GSTP1: variants seen among roughly 807,000 people sequenced by gnomAD.
GSTP1 encodes glutathione S-transferase pi 1.
Under a neutral mutation model 29.4 loss-of-function variants are expected in GSTP1, and 28 were observed. The observed-to-expected ratio is 0.95, with a 90% CI of 0.71 to 1.30. The LOEUF (loss-of-function observed/expected upper bound fraction) is 1.30. GSTP1 is among the 50% of genes most tolerant of loss of function. The pLI is 0.00. For synonymous variants in GSTP1, 122 were observed against 117.0 expected (o/e 1.04, Z -0.28); for missense variants, 267 against 266.1 (o/e 1.00, Z -0.02).
Position 67,586,633 on chromosome 11 carries a change from A to G in GSTP1, c.*56A>G, listed in dbSNP as rs5031031. On this transcript the variant is annotated 3_prime_UTR_variant, in exon 7 of 7. Transcript: ENST00000398606. Reference sequence around the variant, plus strand: ...GTTTGCCTTCCTTTCTCCAGGACCAATAAAATTTCTAAGAGAGCTACTATG... The same window carrying G: ...GTTTGCCTTCCTTTCTCCAGGACCAGTAAAATTTCTAAGAGAGCTACTATG... 275 of 1,458,536 alleles carry G rather than the reference A, an allele frequency of 1.9e-4. No individual in the cohort carries two copies. Among genetic ancestry groups the G allele is most frequent in the Non-Finnish European group, 2.3e-4 (248 of 1,064,190 alleles). 90.3% of individuals were successfully genotyped at this position (1,458,536 alleles called of 1,614,324 possible).
rs1867472878 is a variant in GSTP1, at chr11:67,586,632, A to G, written c.*55A>G. ...AGTTTGCCTTCCTTTCTCCAGGACC[A>G]ATAAAATTTCTAAGAGAGCTACTAT... is the stretch of plus-strand genomic sequence containing the variant. On this transcript the variant is annotated 3_prime_UTR_variant, in exon 7 of 7. Transcript: ENST00000398606. 2.7e-6 allele frequency: 4 copies of G among 1,467,650 alleles called. No individual in the cohort carries two copies. Among genetic ancestry groups the G allele is most frequent in the Admixed American group, 4.0e-5 (2 of 49,618 alleles). 90.9% of individuals were successfully genotyped at this position (1,467,650 alleles called of 1,614,324 possible). A position where few individuals can be genotyped will look rare whatever the true frequency, so the allele number is the denominator to read the frequency against.
rs759653973 is a variant in GSTP1 at position 67,586,223 on chromosome 11, G to A, written c.444+12G>A. 6.3e-7 allele frequency: 1 copy of A among 1,590,808 alleles called. No homozygotes were observed. Among genetic ancestry groups the A allele is most frequent in the Non-Finnish European group, 8.6e-7 (1 of 1,159,324 alleles). On this transcript the variant is annotated intron_variant, in intron 6 of 6. Coordinates refer to ENST00000398606, the MANE Select transcript of GSTP1 (RefSeq NM_000852.4). ...TTGTGGGAGACCAGGTGAGCATCTGGCCCCATGCTGTTCCTTCCTCGCCAC... is the reference window on the plus strand; with the variant it reads ...TTGTGGGAGACCAGGTGAGCATCTGACCCCATGCTGTTCCTTCCTCGCCAC...
In GSTP1 at chr11:67,586,488, G is replaced by C. The variant is rs764825565; in HGVS notation, c.544G>C (p.Gly182Arg). The stretch of plus-strand genomic sequence containing the variant: ...GTTCCCCCTGCTCTCAGCATATGTG[G>C]GGCGCCTCAGTGCCCGGCCCAAGCT... ...DAFPLLSAYV[G>R]RLSARPKLKA... The change falls in exon 7 of 7, where the codon GGG becomes CGG. Residue 182 changes from glycine to arginine, a missense_variant. Physicochemically the swap from Gly to Arg is moderately radical, Grantham distance 125 (BLOSUM62 -2). Coordinates refer to ENST00000398606, the MANE Select transcript of GSTP1 (RefSeq NM_000852.4). 4 of 1,614,172 alleles carry C rather than the reference G, an allele frequency of 2.5e-6. No individual in the cohort carries two copies. Among genetic ancestry groups the C allele is most frequent in the South Asian group, 2.2e-5 (2 of 91,084 alleles).
Position 67,584,186 on chromosome 11 carries a change from G to A in GSTP1, c.37+17G>A. On this transcript the variant is annotated intron_variant, in intron 2 of 6. Transcript: ENST00000398606. ...CAGTTCGAGGTAGGAGCATGTGTCT[G>A]GCAGGGAAGGGAGGCAGGGGCTGGG... The A allele has an allele frequency of 6.2e-7, 1 of 1,603,822 alleles. No homozygotes were observed. Among genetic ancestry groups the A allele is most frequent in the Non-Finnish European group, 8.5e-7 (1 of 1,170,682 alleles).
chr11:67,584,484 A>T lies in GSTP1; in HGVS notation c.58A>T (p.Met20Leu), dbSNP rs767694369. 17 of 1,551,744 alleles carry T rather than the reference A, an allele frequency of 1.1e-5. No homozygotes were observed. The highest frequency in any genetic ancestry group is 1.5e-5 in the Non-Finnish European group (17 of 1,148,296). The change falls in exon 3 of 7, where the codon ATG becomes TTG. Residue 20 changes from methionine to leucine, a missense_variant. Physicochemically the swap from Met to Leu is conservative, Grantham distance 15. Transcript: ENST00000398606. ...CGCAGGCCGCTGCGCGGCCCTGCGCATGCTGCTGGCAGATCAGGGCCAGAG... is the reference window on the plus strand; with the variant it reads ...CGCAGGCCGCTGCGCGGCCCTGCGCTTGCTGCTGGCAGATCAGGGCCAGAG... ...PVRGRCAALRMLLADQGQSWK... is the reference protein window; with the variant it reads ...PVRGRCAALRLLLADQGQSWK...
intron 2 of GSTP1, 69 bp from the exon 3 acceptor site, chr11:67,584,395 C>G: frequency 3.5e-6 from 3 of 855,628 alleles, no homozygotes; most frequent in Non-Finnish European, 5.5e-6. Context: ...GCACTCCTGA[C>G]CCCTCCCCGG....
Position 67,584,519 on chromosome 11 carries a change from G to T in GSTP1, c.93G>T (p.Glu31Asp), listed in dbSNP as rs1304384783. ...LLADQGQSWK[E>D]EVVTVETWQE... ...CAGATCAGGGCCAGAGCTGGAAGGA[G>T]GAGGTGGTGACCGTGGAGACGTGGC... The change falls in exon 3 of 7, where the codon GAG becomes GAT. Residue 31 changes from glutamate (E) to aspartate (D), a missense_variant. By Grantham distance (45) the Glu-to-Asp change is conservative. Coordinates refer to ENST00000398606, the MANE Select transcript of GSTP1 (RefSeq NM_000852.4). 6 of 1,583,478 alleles carry T rather than the reference G, an allele frequency of 3.8e-6. No individual in the cohort carries two copies. Among genetic ancestry groups the T allele is most frequent in the Non-Finnish European group, 5.1e-6 (6 of 1,165,820 alleles).
At position 67,586,374 on chromosome 11, in the gene GSTP1, C is replaced by A; in HGVS notation, c.445-15C>A. ...TGCTCCCGCTGGCTGAGTCCCTGGC[C>A]CCCCTGCCCTGCAGATCTCCTTCGC... On this transcript the variant is annotated splice_polypyrimidine_tract_variant and intron_variant, in intron 6 of 6. Coordinates refer to ENST00000398606, the MANE Select transcript of GSTP1 (RefSeq NM_000852.4). 3 of 1,604,554 alleles carry A rather than the reference C, an allele frequency of 1.9e-6. No homozygotes were observed. Among genetic ancestry groups the A allele is most frequent in the Non-Finnish European group, 2.6e-6 (3 of 1,173,990 alleles).
At position 67,585,151 on chromosome 11, in the gene GSTP1, G is replaced by A. The variant is rs1867444954; in HGVS notation, c.246G>A (p.Lys82=). The A allele has an allele frequency of 6.2e-7, 1 of 1,611,916 alleles. No individual in the cohort carries two copies. The highest frequency in any genetic ancestry group is 8.5e-7 in the Non-Finnish European group (1 of 1,178,144). ...ACCCAACCCCAGGGCTCTATGGGAA[G>A]GACCAGCAGGAGGCAGCCCTGGTGG... The part of the protein sequence containing the change: ...HLGRTLGLYG[K]DQQEAALVDM... The change falls in exon 5 of 7, where the codon AAG becomes AAA. Residue 82 remains lysine (K), a synonymous_variant. Transcript: ENST00000398606.
At chr11:67,585,682 TGTGTGC>T (rs1565218765) in intron 5 of GSTP1, among the ~76,000 whole-genome samples, 6 of 121,758 alleles carry the variant, frequency 4.9e-5, no homozygotes, top group African/African-American at 2.0e-4. Flanking sequence ...CGTGTGCATG[TGTGTGC>T]GTGTGTGTGT....
At chr11:67,584,878 T>C in intron 4 of GSTP1, 106 bp downstream of exon 4, 4 of 864,918 alleles carry the variant, frequency 4.6e-6, no homozygotes, top group Admixed American at 4.0e-5. Context: ...TGGAGGAAAC[T>C]GAGACCCACT....
At chr11:67,583,993 G>A (rs1867421695) in intron 1 of GSTP1, 141 bp from the exon 2 acceptor site, 3 of 719,206 alleles carry the variant, frequency 4.2e-6, no homozygotes, top group South Asian at 3.2e-5. Context: ...GACGTCCCCA[G>A]TGCCGTTAGC....
chr11:67,584,235 C>A, intron 2 of GSTP1, 66 bp downstream of exon 2: 1 of 1,298,246 alleles, frequency 7.7e-7, no homozygotes, highest in Non-Finnish European at 1.1e-6. Context: ...GCCCCTCGCC[C>A]ACCCGGAGAG....
Position 67,585,143 on chromosome 11 carries a change from T to C in GSTP1, c.238T>C (p.Tyr80His), listed in dbSNP as rs1384444513. 6.2e-7 allele frequency: 1 copy of C among 1,609,914 alleles called. No individual in the cohort carries two copies. The highest frequency in any genetic ancestry group is 1.1e-5 in the South Asian group (1 of 90,980). The change falls in exon 5 of 7, where the codon TAT (tyrosine) becomes CAT (histidine). Residue 80 changes from tyrosine (Y) to histidine (H), a missense_variant. Transcript: ENST00000398606. ...TCCCCTCCACCCAACCCCAGGGCTC[T>C]ATGGGAAGGACCAGCAGGAGGCAGC... ...LRHLGRTLGL[Y>H]GKDQQEAALV...
In GSTP1 at chr11:67,584,462, A is replaced by G; in HGVS notation, c.38-2A>G. ...ACATCTCGTACTTCTCCCTCCCCGC[A>G]GGCCGCTGCGCGGCCCTGCGCATGC... is the stretch of plus-strand genomic sequence containing the variant. On this transcript the variant is annotated splice_acceptor_variant, in intron 2 of 6. Coordinates refer to ENST00000398606, the MANE Select transcript of GSTP1 (RefSeq NM_000852.4). LOFTEE classifies it high-confidence loss of function. 1.3e-6 allele frequency: 2 copies of G among 1,491,514 alleles called. No individual in the cohort carries two copies. The highest frequency in any genetic ancestry group is 1.8e-6 in the Non-Finnish European group (2 of 1,111,668). 92.4% of individuals were successfully genotyped at this position (1,491,514 alleles called of 1,614,324 possible).
At chr11:67,584,058 A>AT (rs145589007) in intron 1 of GSTP1, 76 bp from the exon 2 acceptor site, 10 of 1,173,090 alleles carry the variant, frequency 8.5e-6, no homozygotes, top group South Asian at 1.3e-5. Flanking sequence ...GGGGGCGGGG[A>AT]GGGGGGGCAG....
intron 4 of GSTP1, 61 bp from the exon 5 acceptor site, chr11:67,585,077 A>C: frequency 1.8e-6 from 2 of 1,088,514 alleles, no homozygotes; most frequent in Non-Finnish European, 2.8e-6. Context: ...GCCCATCCCC[A>C]GTGACTGTGT....
chr11:67,586,608 GTT>G lies in GSTP1; in HGVS notation c.*33_*34del, dbSNP rs778952306. 6 of 1,566,288 alleles carry G rather than the reference GTT, an allele frequency of 3.8e-6. No homozygotes were observed. In the South Asian group the frequency reaches 6.8e-5, roughly 18 times the overall value. On this transcript the variant is annotated 3_prime_UTR_variant, in exon 7 of 7. Coordinates refer to ENST00000398606, the MANE Select transcript of GSTP1 (RefSeq NM_000852.4). ...GGGGGGACTCTGAGCGGGAGGCAGA[GTT>G]TGCCTTCCTTTCTCCAGGACCAATA...
chr11:67,586,643 T>A lies in GSTP1; in HGVS notation c.*66T>A. ...CTTTCTCCAGGACCAATAAAATTTC[T>A]AAGAGAGCTACTATGAGCACTGTGT... On this transcript the variant is annotated 3_prime_UTR_variant, in exon 7 of 7. Coordinates refer to ENST00000398606, the MANE Select transcript of GSTP1 (RefSeq NM_000852.4). 1 of 1,372,870 alleles carries A rather than the reference T, an allele frequency of 7.3e-7. No individual in the cohort carries two copies. The highest frequency in any genetic ancestry group is 1.0e-6 in the Non-Finnish European group (1 of 995,142). The allele number at this position is 1,372,870 out of a possible 1,614,324, so 85.0% of individuals were successfully genotyped here.
Sources: gnomAD v4.1 joint callset for allele counts (sites outside exome capture counted in the v4.1 genomes callset) on GRCh38, gnomAD v4.1.1 for gene constraint, MANE v1.5 for transcripts, NCBI Gene and HGNC (gene_info 2026-07-23, HGNC 2026-07-21) for gene names.